Variants in RGS7BP observed in about 807,000 individuals in gnomAD.
RGS7BP encodes the protein regulator of G protein signaling 7-binding protein.
Under a neutral mutation model 31.3 loss-of-function variants are expected in RGS7BP, and 9 were observed. The ratio of observed to expected loss-of-function variants is 0.29; its 90% CI spans 0.17 to 0.50. The LOEUF (loss-of-function observed/expected upper bound fraction) is 0.50. Ranked by LOEUF, RGS7BP falls within the 20% of genes least tolerant of loss-of-function variation. The probability of loss-of-function intolerance (pLI) is 0.98; values close to 1 mark genes in which losing one functional copy is unlikely to be tolerated. For synonymous variants in RGS7BP, 115 were observed against 120.1 expected, an observed-to-expected ratio of 0.96 and a Z score of 0.28; for missense variants, 274 against 322.0, an observed-to-expected ratio of 0.85 and a Z score of 1.14.
At chr5:64,543,674 G>A (rs1741581323) in intron 2 of RGS7BP, among the ~76,000 whole-genome samples, 1 of 152,228 alleles carries the variant, frequency 6.6e-6, no homozygotes, top group South Asian at 2.1e-4. Context: ...TGTGGATAGG[G>A]TGGCAGGGTC....
intron 2 of RGS7BP, among the ~76,000 whole-genome samples, chr5:64,521,971 C>T (rs1259030901): frequency 6.6e-6 from 1 of 152,166 alleles, no homozygotes; most frequent in Non-Finnish European, 1.5e-5. Flanking sequence ...TGTTCCTGTT[C>T]TTACAAGCAC....
chr5:64,587,278 A>T (rs1237558266), intron 3 of RGS7BP, among the ~76,000 whole-genome samples: 1 of 152,196 alleles, frequency 6.6e-6, no homozygotes, highest in Non-Finnish European at 1.5e-5. Context: ...AAAAACAAGG[A>T]AGGATGACTT....
intron 2 of RGS7BP, among the ~76,000 whole-genome samples, chr5:64,558,470 G>T (rs1368377233): frequency 1.3e-5 from 2 of 152,086 alleles, no homozygotes; most frequent in Non-Finnish European, 2.9e-5. Context: ...TCCTATGCCT[G>T]TCTTTACTTT....
chr5:64,536,938 CAAAT>C (rs1741391336), intron 2 of RGS7BP, among the ~76,000 whole-genome samples: 1 of 152,156 alleles, frequency 6.6e-6, no homozygotes, highest in African/African-American at 2.4e-5. Context: ...AAGACTGTGA[CAAAT>C]AATCATAAAA....
chr5:64,534,064 G>A (rs1295366603), intron 2 of RGS7BP, among the ~76,000 whole-genome samples: 2 of 152,226 alleles, frequency 1.3e-5, no homozygotes, highest in Non-Finnish European at 2.9e-5. Context: ...TGTGGGTGGA[G>A]GAAAAGAGCA....
chr5:64,506,468 C>G lies in RGS7BP; in HGVS notation c.-157C>G. The G allele has an allele frequency of 1.9e-6, 1 of 523,698 alleles. No homozygotes were observed. Among genetic ancestry groups the G allele is most frequent in the South Asian group, 3.4e-5 (1 of 29,122 alleles). The allele number at this position is 523,698 out of a possible 1,614,324, so 32.4% of individuals were successfully genotyped here. A position where few individuals can be genotyped will look rare whatever the true frequency, so the allele number is the denominator to read the frequency against. ...AGCGCTTCCCCGGCTCTCCTTCAAG[C>G]TGAAGGTTACCGACCCGCGCAGCCA... On this transcript the variant is annotated 5_prime_UTR_variant, in exon 1 of 6. Transcript: ENST00000334025. The surrounding 1 kb of genome is among the most constrained non-coding windows in gnomAD (Gnocchi z 4.6).
At chr5:64,590,232 G>A (rs1742875529) in intron 3 of RGS7BP, among the ~76,000 whole-genome samples, 1 of 151,906 alleles carries the variant, frequency 6.6e-6, no homozygotes, top group Non-Finnish European at 1.5e-5. Flanking sequence ...TGAGCACCAA[G>A]AGGGAGAGAG....
chr5:64,581,705 C>T (rs916106966), intron 3 of RGS7BP, among the ~76,000 whole-genome samples: 3 of 152,320 alleles, frequency 2.0e-5, no homozygotes, highest in African/African-American at 4.8e-5. Flanking sequence ...CAACTTCTAA[C>T]TGTCTTTCTA....
intron 4 of RGS7BP, among the ~76,000 whole-genome samples, chr5:64,597,078 G>T (rs1002047022): frequency 1.3e-5 from 2 of 152,112 alleles, no homozygotes; most frequent in Non-Finnish European, 2.9e-5. Context: ...GGATGCATCT[G>T]CTTTTTGTAC....
intron 2 of RGS7BP, among the ~76,000 whole-genome samples, chr5:64,530,355 A>G (rs1749338539): frequency 6.6e-6 from 1 of 152,254 alleles, no homozygotes; most frequent in Admixed American, 6.5e-5. Context: ...ATGAGATTAT[A>G]TAGAAGAGAT....
intron 2 of RGS7BP, among the ~76,000 whole-genome samples, chr5:64,558,060 T>C (rs1741969240): frequency 6.6e-6 from 1 of 152,136 alleles, no homozygotes; most frequent in Admixed American, 6.5e-5. Context: ...TGCCAAGCAA[T>C]GCTTGGCTTC....
At chr5:64,596,480 A>C (rs1246606805) in intron 4 of RGS7BP, among the ~76,000 whole-genome samples, 7 of 152,194 alleles carry the variant, frequency 4.6e-5, no homozygotes, top group African/African-American at 1.7e-4. Context: ...GCCAAGGTTG[A>C]GAATTGGTGC....
intron 3 of RGS7BP, among the ~76,000 whole-genome samples, chr5:64,588,740 G>A (rs544872961): frequency 3.7e-4 from 56 of 152,184 alleles, no homozygotes; most frequent in Admixed American, 1.9e-3. Flanking sequence ...GCCCAAAATG[G>A]TGGACTGAAA....
intron 3 of RGS7BP, among the ~76,000 whole-genome samples, chr5:64,587,856 C>T (rs1234538566): frequency 6.6e-6 from 1 of 152,138 alleles, no homozygotes; most frequent in Non-Finnish European, 1.5e-5. Context: ...ATGCTTTTGA[C>T]ACATATTATC....
At chr5:64,527,107 A>G (rs1418122947) in intron 2 of RGS7BP, among the ~76,000 whole-genome samples, 1 of 152,230 alleles carries the variant, frequency 6.6e-6, no homozygotes, top group Non-Finnish European at 1.5e-5. Context: ...AGTTAGCTCA[A>G]GAAAGAATAA....
rs917751014 is a variant in RGS7BP at position 64,609,562 on chromosome 5, G to GT, written c.*316dup. The GT allele has an allele frequency of 3.1e-5, 9 of 286,498 alleles. No homozygotes were observed. Among genetic ancestry groups the GT allele is most frequent in the African/African-American group, 1.9e-4 (9 of 46,960 alleles). The allele number at this position is 286,498 out of a possible 1,614,324, so 17.7% of individuals were successfully genotyped here. A position where few individuals can be genotyped will look rare whatever the true frequency, so the allele number is the denominator to read the frequency against. On this transcript the variant is annotated 3_prime_UTR_variant, in exon 6 of 6. Transcript: ENST00000334025. ...ATTATGATTTTTAAATTATTTAAAG[G>GT]TTTTTTAAATGTATTATACAGAGGA...
chr5:64,577,690 C>G (rs1425236339), intron 3 of RGS7BP, among the ~76,000 whole-genome samples: 4 of 152,178 alleles, frequency 2.6e-5, no homozygotes, highest in African/African-American at 2.4e-5. Context: ...CTTATGACAT[C>G]CAAACTGATG....
intron 2 of RGS7BP, among the ~76,000 whole-genome samples, chr5:64,550,352 T>C (rs1741761190): frequency 6.6e-6 from 1 of 152,180 alleles, no homozygotes; most frequent in Non-Finnish European, 1.5e-5. Context: ...GTATTCTCAC[T>C]TGGCAGAGTG....
At chr5:64,510,589 T>G (rs991838166) in intron 2 of RGS7BP, among the ~76,000 whole-genome samples, 1 of 152,190 alleles carries the variant, frequency 6.6e-6, no homozygotes, top group Admixed American at 6.5e-5. Flanking sequence ...TTTGGGATGA[T>G]GGAAATGTTC....
Sources: gnomAD v4.1 joint callset for allele counts (sites outside exome capture counted in the v4.1 genomes callset) on GRCh38, gnomAD v4.1.1 for gene constraint, Gnocchi (gnomAD v3.1) non-coding constraint, MANE v1.5 for transcripts, NCBI Gene and HGNC (gene_info 2026-07-23, HGNC 2026-07-21) for gene names.